Variants in PCDH15 observed in about 807,000 individuals in gnomAD.
PCDH15 encodes the protein protocadherin related 15, also known as protocadherin-15.
In PCDH15, 129 loss-of-function variants were observed where a neutral mutation model predicts 178.5. The observed-to-expected ratio is 0.72, with a 90% CI of 0.63 to 0.84. The LOEUF (loss-of-function observed/expected upper bound fraction) is 0.84. PCDH15 is among the 40% of genes least tolerant of loss of function. The pLI, the probability that PCDH15 is intolerant of heterozygous loss-of-function variation, is 0.00. For synonymous variants in PCDH15, 800 were observed against 732.0 expected, an observed-to-expected ratio of 1.09 and a Z score of -1.50; for missense variants, 2,230 against 2,099.9, an observed-to-expected ratio of 1.06 and a Z score of -1.21.
At chr10:55,216,327 T>A (rs1390502303) in intron 1 of PCDH15, among the ~76,000 whole-genome samples, 1 of 152,014 alleles carries the variant, frequency 6.6e-6, no homozygotes, top group African/African-American at 2.4e-5. Context: ...TCAATTTCAA[T>A]TATTAAATAT....
intron 3 of PCDH15, among the ~76,000 whole-genome samples, chr10:54,507,469 C>T (rs928191377): frequency 2.6e-5 from 4 of 151,510 alleles, no homozygotes; most frequent in Admixed American, 1.3e-4. Flanking sequence ...GAAAACTATG[C>T]TTCCTTCAGC....
intron 2 of PCDH15, among the ~76,000 whole-genome samples, chr10:55,389,591 A>T (rs1837745290): frequency 1.3e-5 from 2 of 152,294 alleles, no homozygotes; most frequent in South Asian, 4.1e-4. Context: ...ATCTCATATT[A>T]AACTAGATTT....
intron 14 of PCDH15, among the ~76,000 whole-genome samples, chr10:54,143,612 T>C (rs1464140930): frequency 6.6e-6 from 1 of 152,216 alleles, no homozygotes; most frequent in Non-Finnish European, 1.5e-5. Flanking sequence ...ATTGATTGCA[T>C]GGACTAAACT....
chr10:54,428,404 T>C lies in PCDH15; in HGVS notation c.158-49462A>G, dbSNP rs550969265. ...ATTTACATTGTTTAGTATGAGTATG[T>C]CCCATGAAATATTTAGGAATTACAT... On this transcript the variant is annotated intron_variant, in intron 3 of 37. Coordinates refer to ENST00000644397, the MANE Select transcript of PCDH15 (RefSeq NM_001384140.1). Among the ~76,000 whole-genome samples, 183 of 152,292 alleles carry C rather than the reference T, an allele frequency of 1.2e-3. 1 individual carries two copies. Among genetic ancestry groups the C allele is most frequent in the Non-Finnish European group, 2.4e-3 (160 of 68,016 alleles).
upstream of PCDH15, among the ~76,000 whole-genome samples, chr10:54,804,059 A>G (rs1197608621): frequency 6.6e-6 from 1 of 150,388 alleles, no homozygotes; most frequent in Non-Finnish European, 1.5e-5. Context: ...TTTTTTTTTG[A>G]GATGGAGTCT....
intron 2 of PCDH15, among the ~76,000 whole-genome samples, chr10:55,473,483 C>A (rs1255161685): frequency 6.6e-6 from 1 of 152,122 alleles, no homozygotes; most frequent in African/African-American, 2.4e-5. Context: ...CTAATGTAAC[C>A]ATTAAAACAA....
At chr10:55,336,053 A>G (rs1844379964) in intron 2 of PCDH15, among the ~76,000 whole-genome samples, 1 of 132,978 alleles carries the variant, frequency 7.5e-6, no homozygotes, top group South Asian at 2.5e-4. Flanking sequence ...GTTGTGGGGA[A>G]TTGGTTTGTG....
chr10:53,856,800 T>C (rs1439238128), intron 28 of PCDH15, among the ~76,000 whole-genome samples: 8 of 152,122 alleles, frequency 5.3e-5, no homozygotes, highest in African/African-American at 1.9e-4. Context: ...AAACTATATG[T>C]TTAATCTGAA....
intron 27 of PCDH15, among the ~76,000 whole-genome samples, chr10:53,861,591 G>T (rs911448584): frequency 6.6e-6 from 1 of 151,990 alleles, no homozygotes; most frequent in East Asian, 1.9e-4. Context: ...TAAATTTTCT[G>T]GCACCCACAT....
chr10:54,085,153 T>C (rs1045887327), intron 16 of PCDH15, among the ~76,000 whole-genome samples: 1 of 152,166 alleles, frequency 6.6e-6, no homozygotes. Flanking sequence ...AAAATAAATA[T>C]CTTTCTTATA....
At chr10:54,428,232 G>C (rs896190881) in intron 3 of PCDH15, among the ~76,000 whole-genome samples, 5 of 152,160 alleles carry the variant, frequency 3.3e-5, no homozygotes, top group African/African-American at 1.2e-4. Context: ...CTTTCGGAGA[G>C]CATCCATTGA....
intron 2 of PCDH15, among the ~76,000 whole-genome samples, chr10:55,521,300 C>T (rs931172456): frequency 1.3e-5 from 2 of 151,938 alleles, no homozygotes; most frequent in African/African-American, 4.8e-5. Context: ...ACAGATGCTC[C>T]TCAATTTATG....
chr10:54,178,914 A>C (rs12244174), intron 13 of PCDH15, among the ~76,000 whole-genome samples: 40,712 of 151,916 alleles, frequency 0.27, 6,258 homozygotes, highest in Non-Finnish European at 0.36. Context: ...AAAGTCAGGA[A>C]ACAACAGGTG....
intron 34 of PCDH15, 136 bp downstream of exon 34, chr10:53,817,859 T>C: frequency 2.5e-6 from 1 of 392,720 alleles, no homozygotes; most frequent in African/African-American, 2.1e-5. Flanking sequence ...AGAAAATAAA[T>C]AGCATAACAT....
chr10:55,446,739 G>A (rs1351592658), intron 2 of PCDH15, among the ~76,000 whole-genome samples: 1 of 151,998 alleles, frequency 6.6e-6, no homozygotes, highest in Non-Finnish European at 1.5e-5. Flanking sequence ...TTGCCCTATT[G>A]TACATCTGCC....
chr10:55,245,916 T>C (rs1592017131), intron 1 of PCDH15, among the ~76,000 whole-genome samples: 1 of 152,186 alleles, frequency 6.6e-6, no homozygotes, highest in East Asian at 1.9e-4. Context: ...AACAGTTCTA[T>C]GCTGGCAGCC....
At chr10:55,322,138 G>A (rs1843917596), upstream of PCDH15, among the ~76,000 whole-genome samples, 2 of 152,134 alleles carry the variant, frequency 1.3e-5, no homozygotes, top group African/African-American at 4.8e-5. Flanking sequence ...ACTGTTCTTG[G>A]GGTAGTGAAT....
At chr10:54,365,668 T>C (rs142998386) in intron 5 of PCDH15, among the ~76,000 whole-genome samples, 4 of 152,248 alleles carry the variant, frequency 2.6e-5, no homozygotes, top group African/African-American at 9.6e-5. Context: ...TCTCCAAAAC[T>C]TGCATAAGAA....
intron 3 of PCDH15, among the ~76,000 whole-genome samples, chr10:54,422,440 A>G (rs902088371): frequency 6.6e-6 from 1 of 152,146 alleles, no homozygotes; most frequent in African/African-American, 2.4e-5. Context: ...GTTTACTACT[A>G]GTTATGTGAC....
Sources: allele counts gnomAD v4.1 joint callset (sites outside exome capture counted in the v4.1 genomes callset), GRCh38; gene constraint gnomAD v4.1.1; transcripts MANE v1.5; gene names NCBI Gene and HGNC (gene_info 2026-07-23, HGNC 2026-07-21).